The following CRAMP1 variants were observed in gnomAD, a reference collection of about 807,000 sequenced individuals.
CRAMP1 encodes cramped chromatin regulator 1, also known as protein cramped-like.
In CRAMP1, 50 loss-of-function variants were observed where a neutral mutation model predicts 115.4. That is an observed-to-expected ratio of 0.43 (90% CI 0.35 to 0.55). The LOEUF (loss-of-function observed/expected upper bound fraction) is 0.55, where lower values mean the gene tolerates loss of function less well. CRAMP1 is among the 20% of genes least tolerant of loss of function. CRAMP1 has a pLI of 0.01. For missense variants in CRAMP1, 1,679 were observed against 1,721.7 expected, an observed-to-expected ratio of 0.98 and a Z score of 0.44; for synonymous variants, 866 against 745.4, an observed-to-expected ratio of 1.16 and a Z score of -2.64.
intron 8 of CRAMP1, among the ~76,000 whole-genome samples, chr16:1,653,460 GCTT>G (rs1484973995): frequency 6.6e-6 from 1 of 152,182 alleles, no homozygotes; most frequent in Non-Finnish European, 1.5e-5. Context: ...TCTCCCACCC[GCTT>G]CTTGGAGACT....
chr16:1,657,435 C>G (rs760623984), intron 10 of CRAMP1, among the ~76,000 whole-genome samples: 1 of 152,194 alleles, frequency 6.6e-6, no homozygotes, highest in Non-Finnish European at 1.5e-5. Context: ...CCCAGGGTGA[C>G]AGAGTGAGGC....
chr16:1,632,465 A>AT (rs1278347948), intron 4 of CRAMP1, 100 bp downstream of exon 4: 48 of 1,223,572 alleles, frequency 3.9e-5, no homozygotes, highest in South Asian at 2.4e-4. Flanking sequence ...GCTTTCTGGC[A>AT]TTTTCTCACC....
chr16:1,657,045 G>A, intron 10 of CRAMP1, 53 bp downstream of exon 10: 1 of 1,411,940 alleles, frequency 7.1e-7, no homozygotes, highest in Non-Finnish European at 9.3e-7. Flanking sequence ...GCCAGGCCCA[G>A]CCTTGGAGGG....
chr16:1,660,026 C>T lies in CRAMP1; in HGVS notation c.2376C>T (p.Ser792=), dbSNP rs1159715967. 1 of 1,599,724 alleles carries T rather than the reference C, an allele frequency of 6.3e-7. No individual in the cohort carries two copies. The highest frequency in any genetic ancestry group is 1.7e-5 in the Admixed American group (1 of 59,538). Residue 792 remains serine (S), a synonymous_variant, in exon 11 of 21, where the codon AGC becomes AGT. Transcript: ENST00000397412. Reference sequence around the variant, plus strand: ...GGAACCAGGCCTCCCTCCGCAGCAGCAAGACCTTCCCGCCCAGCTCTGCAC... The same window carrying T: ...GGAACCAGGCCTCCCTCCGCAGCAGTAAGACCTTCCCGCCCAGCTCTGCAC... ...CPRNQASLRS[S]KTFPPSSAPC... is the part of the protein sequence containing the mutation.
In CRAMP1 at chr16:1,671,802, G is replaced by T. The variant is rs1371089818; in HGVS notation, c.3645+993G>T. Among the ~76,000 whole-genome samples the T allele has an allele frequency of 6.6e-6, 1 of 152,194 alleles. No individual in the cohort carries two copies. Among genetic ancestry groups the T allele is most frequent in the East Asian group, 1.9e-4 (1 of 5,200 alleles). Reference sequence around the variant, plus strand: ...GCTACCCAGTATCCGAATGTGAATCGTGACTCTTGAGATGATGAACTCATG... The same window carrying T: ...GCTACCCAGTATCCGAATGTGAATCTTGACTCTTGAGATGATGAACTCATG... On this transcript the variant is annotated intron_variant, in intron 20 of 20. Transcript: ENST00000397412. This position sits in a 1 kb window ranked among gnomAD's most constrained non-coding sequence, Gnocchi z 5.0.
Position 1,671,887 on chromosome 16 carries a change from T to C in CRAMP1, c.3645+1078T>C, listed in dbSNP as rs1014414941. 2.0e-5 allele frequency among the ~76,000 whole-genome samples: 3 copies of C among 152,220 alleles called. No individual in the cohort carries two copies. The highest frequency in any genetic ancestry group is 6.5e-5 in the Admixed American group (1 of 15,280). On this transcript the variant is annotated intron_variant, in intron 20 of 20. Coordinates refer to ENST00000397412, the MANE Select transcript of CRAMP1 (RefSeq NM_020825.4). The surrounding 1 kb of genome is among the most constrained non-coding windows in gnomAD (Gnocchi z 5.0). ...TATGACTGGAAATTTTAGCCAAATA[T>C]ACACATAGACACAATTAATAGCGTA... is the stretch of plus-strand genomic sequence containing the variant.
intron 6 of CRAMP1, among the ~76,000 whole-genome samples, chr16:1,642,251 C>T (rs1022255012): frequency 2.6e-5 from 4 of 152,206 alleles, no homozygotes; most frequent in African/African-American, 9.7e-5. Flanking sequence ...TGGCCCTTCT[C>T]CCCCAGGCTT....
rs766372583 is a variant in CRAMP1 at position 1,666,163 on chromosome 16, C to T, written c.2843C>T (p.Thr948Met). Residue 948 changes from threonine (T) to methionine (M), a missense_variant, in exon 15 of 21, where the codon ACG (threonine) becomes ATG (methionine). Physicochemically the swap from Thr to Met is moderately conservative, Grantham distance 81. This residue lies in a region of CRAMP1 where 709 missense variants were observed against 741.9 expected (regional missense o/e 0.96). Coordinates refer to ENST00000397412, the MANE Select transcript of CRAMP1 (RefSeq NM_020825.4). The surrounding 1 kb of genome is among the most constrained non-coding windows in gnomAD (Gnocchi z 5.0). ...IVPKVLPPQA[T>M]SHLASAIDLA... is the part of the protein sequence containing the mutation. ...CCCAAGGTCCTTCCACCCCAGGCCA[C>T]GAGTCACCTGGCCAGTAAGTCTGTA... 6 of 1,605,952 alleles carry T rather than the reference C, an allele frequency of 3.7e-6. No individual in the cohort carries two copies. Among genetic ancestry groups the T allele is most frequent in the Non-Finnish European group, 5.1e-6 (6 of 1,175,922 alleles).
chr16:1,653,221 TGA>T, intron 8 of CRAMP1, 65 bp downstream of exon 8: 3 of 1,550,260 alleles, frequency 1.9e-6, no homozygotes, highest in Non-Finnish European at 2.6e-6. Context: ...GCAACGTGTG[TGA>T]GTTTCCCTCA....
At chr16:1,665,722 A>G (rs1596498048) in intron 14 of CRAMP1, 1 of 267,654 alleles carries the variant, frequency 3.7e-6, no homozygotes, top group East Asian at 7.9e-5. Flanking sequence ...ACCAAATTGC[A>G]GTGGCAGCAT....
At chr16:1,653,194 C>G (rs1293840027) in intron 8 of CRAMP1, 38 bp downstream of exon 8, 3 of 1,592,376 alleles carry the variant, frequency 1.9e-6, no homozygotes, top group Admixed American at 3.5e-5. Context: ...GTCCCAACTG[C>G]TTGAGCAGGA....
At chr16:1,617,440 C>T (rs1048188120) in intron 2 of CRAMP1, among the ~76,000 whole-genome samples, 2 of 152,282 alleles carry the variant, frequency 1.3e-5, no homozygotes, top group African/African-American at 2.4e-5. Context: ...TTTAGCTCAC[C>T]TTCCAGAAAG....
chr16:1,647,119 G>A, intron 6 of CRAMP1: 1 of 700,704 alleles, frequency 1.4e-6, no homozygotes. Context: ...CAGCCCAAAA[G>A]CGATTGGGGT....
At chr16:1,661,888 T>C (rs1054452564) in intron 11 of CRAMP1, among the ~76,000 whole-genome samples, 9 of 152,222 alleles carry the variant, frequency 5.9e-5, no homozygotes, top group African/African-American at 1.4e-4. Flanking sequence ...CAATACTAAC[T>C]CTCAAATATT....
chr16:1,647,099 C>T (rs2036681724), intron 6 of CRAMP1: 1 of 702,482 alleles, frequency 1.4e-6, no homozygotes, highest in Non-Finnish European at 2.6e-6. Flanking sequence ...GGGAGGCTAC[C>T]CCTGGATTTC....
At chr16:1,623,327 T>C (rs1212722325) in intron 2 of CRAMP1, among the ~76,000 whole-genome samples, 3 of 152,214 alleles carry the variant, frequency 2.0e-5, no homozygotes, top group African/African-American at 4.8e-5. Flanking sequence ...TGCCTTCTTT[T>C]CACATCTCCT....
At chr16:1,670,917 A>G in intron 20 of CRAMP1, 108 bp downstream of exon 20, 1 of 1,051,462 alleles carries the variant, frequency 9.5e-7, no homozygotes, top group Non-Finnish European at 1.4e-6. Context: ...TGCCAAGAGT[A>G]GAAGAACAGG....
rs1337457517 is a variant in CRAMP1 at position 1,614,573 on chromosome 16, G to A, written c.-1-66G>A. On this transcript the variant is annotated intron_variant, in intron 1 of 20. Coordinates refer to ENST00000397412, the MANE Select transcript of CRAMP1 (RefSeq NM_020825.4). This position sits in a 1 kb window ranked among gnomAD's most constrained non-coding sequence, Gnocchi z 4.4. ...ACAACGGCGGCCATGTTGAGAGCGC[G>A]TCGGGGCCGCTAAACTTCCCGGCCT... 5 of 1,020,846 alleles carry A rather than the reference G, an allele frequency of 4.9e-6. No homozygotes were observed. Among genetic ancestry groups the A allele is most frequent in the Non-Finnish European group, 6.2e-6 (5 of 801,476 alleles). The allele number at this position is 1,020,846 out of a possible 1,614,324, so 63.2% of individuals were successfully genotyped here.
At chr16:1,642,936 C>T (rs1317863386) in intron 6 of CRAMP1, among the ~76,000 whole-genome samples, 2 of 152,204 alleles carry the variant, frequency 1.3e-5, no homozygotes, top group African/African-American at 4.8e-5. Flanking sequence ...GCACCTGCAG[C>T]GCCATCCGCG....
Sources: gnomAD v4.1 joint callset for allele counts (sites outside exome capture counted in the v4.1 genomes callset) on GRCh38, gnomAD v4.1.1 for gene constraint, gnomAD v4.1.1 regional missense constraint, Gnocchi (gnomAD v3.1) non-coding constraint, MANE v1.5 for transcripts, NCBI Gene and HGNC (gene_info 2026-07-23, HGNC 2026-07-21) for gene names.